The following SCFD2 variants were observed in gnomAD, a reference collection of about 807,000 sequenced individuals.
The protein encoded by SCFD2 is sec1 family domain-containing protein 2.
A neutral mutation model predicts 58.9 loss-of-function variants in SCFD2; 54 were observed. The observed-to-expected ratio is 0.92, with a 90% CI of 0.74 to 1.15. The LOEUF (loss-of-function observed/expected upper bound fraction) is 1.15. SCFD2 is among the 50% of genes most tolerant of loss of function. SCFD2 has a pLI of 0.00. For missense variants in SCFD2, 805 were observed against 836.6 expected, an observed-to-expected ratio of 0.96 and a Z score of 0.47; for synonymous variants, 321 against 335.9, an observed-to-expected ratio of 0.96 and a Z score of 0.49.
intron 5 of SCFD2, among the ~76,000 whole-genome samples, chr4:53,085,868 G>A (rs529182746): frequency 3.9e-5 from 6 of 152,054 alleles, no homozygotes; most frequent in South Asian, 2.1e-4. Context: ...CCCATCTCTC[G>A]TCATATGCAA....
chr4:53,147,831 T>C (rs1292978958), intron 4 of SCFD2, among the ~76,000 whole-genome samples: 4 of 152,264 alleles, frequency 2.6e-5, no homozygotes, highest in African/African-American at 9.6e-5. Flanking sequence ...AGTTTATGAA[T>C]TCCTGTTGGG....
intron 3 of SCFD2, among the ~76,000 whole-genome samples, chr4:53,297,880 T>C (rs1056082721): frequency 4.6e-5 from 7 of 152,210 alleles, no homozygotes; most frequent in Non-Finnish European, 1.0e-4. Flanking sequence ...CATTTGTTTG[T>C]CTGTAAAGAA....
intron 2 of SCFD2, among the ~76,000 whole-genome samples, chr4:53,344,453 C>T (rs868550123): frequency 2.0e-5 from 3 of 152,062 alleles, no homozygotes; most frequent in South Asian, 2.1e-4. Context: ...TAAAAGAGGA[C>T]ACAAACAAAT....
At chr4:53,012,968 G>C (rs1338998070) in intron 5 of SCFD2, among the ~76,000 whole-genome samples, 1 of 151,996 alleles carries the variant, frequency 6.6e-6, no homozygotes, top group African/African-American at 2.4e-5. Context: ...GACAGGAAGG[G>C]GCCCTAGCTA....
At chr4:53,211,254 AAAT>A (rs1380456239) in intron 4 of SCFD2, among the ~76,000 whole-genome samples, 4 of 151,630 alleles carry the variant, frequency 2.6e-5, no homozygotes, top group Non-Finnish European at 5.9e-5. Context: ...AAAAAAAAAA[AAAT>A]CCAAGAGAAC....
intron 5 of SCFD2, among the ~76,000 whole-genome samples, chr4:53,088,873 A>T (rs1179360979): frequency 6.6e-6 from 1 of 152,140 alleles, no homozygotes; most frequent in African/African-American, 2.4e-5. Context: ...CCCAAAATTC[A>T]TATGTTGAAA....
In SCFD2 at chr4:52,922,990, GAATGAATCTAACATAC is replaced by G. The variant is rs544131063; in HGVS notation, c.1562-2136_1562-2121del. ...ATTCAAACAAGCTTAAACTAAAATG[GAATGAATCTAACATAC>G]CCAGAAGCATCCAAAAGAATCCAGC... On this transcript the variant is annotated intron_variant, in intron 5 of 8. Transcript: ENST00000401642. Among the ~76,000 whole-genome samples the G allele has an allele frequency of 3.0e-3, 464 of 152,282 alleles. 5 individuals are homozygous for G. The highest frequency in any genetic ancestry group is 0.011 in the African/African-American group (440 of 41,542).
At chr4:52,891,408 G>A (rs971386605) in intron 7 of SCFD2, among the ~76,000 whole-genome samples, 1 of 152,156 alleles carries the variant, frequency 6.6e-6, no homozygotes, top group Non-Finnish European at 1.5e-5. Context: ...GTGGGGGAGG[G>A]TAAGTGACAA....
At chr4:52,897,168 C>T (rs959786180) in intron 7 of SCFD2, among the ~76,000 whole-genome samples, 1 of 152,184 alleles carries the variant, frequency 6.6e-6, no homozygotes, top group Non-Finnish European at 1.5e-5. Flanking sequence ...TGCCTGATTG[C>T]CCTGGCCAGA....
intron 5 of SCFD2, among the ~76,000 whole-genome samples, chr4:53,131,371 A>T (rs1044460792): frequency 5.3e-5 from 8 of 152,328 alleles, no homozygotes; most frequent in African/African-American, 1.9e-4. Flanking sequence ...GCATCTTTAG[A>T]GAGATCTGAA....
intron 7 of SCFD2, among the ~76,000 whole-genome samples, chr4:52,891,131 A>G (rs990729861): frequency 2.0e-5 from 3 of 152,170 alleles, no homozygotes; most frequent in African/African-American, 7.2e-5. Context: ...TCTCCCACCA[A>G]GAATTAGTAA....
intron 5 of SCFD2, among the ~76,000 whole-genome samples, chr4:52,939,793 T>C (rs1410876980): frequency 4.0e-5 from 6 of 150,994 alleles, no homozygotes; most frequent in Non-Finnish European, 8.9e-5. Context: ...AATGGCCAAA[T>C]AAAGAAGCAC....
At chr4:53,214,166 T>C (rs891109464) in intron 4 of SCFD2, among the ~76,000 whole-genome samples, 4 of 152,152 alleles carry the variant, frequency 2.6e-5, no homozygotes, top group South Asian at 2.1e-4. Context: ...TTTGGGTATA[T>C]ACCCAGTAAT....
chr4:52,914,825 T>A (rs1006526346), intron 6 of SCFD2, among the ~76,000 whole-genome samples: 1 of 152,120 alleles, frequency 6.6e-6, no homozygotes, highest in African/African-American at 2.4e-5. Flanking sequence ...AAGGGGCCCA[T>A]GAAGGTCATA....
At chr4:53,099,414 G>C (rs187123978) in intron 5 of SCFD2, among the ~76,000 whole-genome samples, 190 of 152,250 alleles carry the variant, frequency 1.2e-3, no homozygotes, top group Non-Finnish European at 2.1e-3. Context: ...AATCTTTTGA[G>C]GGCATCTTAG....
At chr4:52,904,673 G>A (rs1479623228) in intron 7 of SCFD2, among the ~76,000 whole-genome samples, 1 of 152,162 alleles carries the variant, frequency 6.6e-6, no homozygotes, top group African/African-American at 2.4e-5. Flanking sequence ...GAGCATTTGT[G>A]CTAATGAGTA....
chr4:52,985,227 G>A (rs1017266269), intron 5 of SCFD2, among the ~76,000 whole-genome samples: 1 of 152,124 alleles, frequency 6.6e-6, no homozygotes, highest in African/African-American at 2.4e-5. Context: ...TCCCTCCCAG[G>A]TATGAAGAGT....
intron 4 of SCFD2, among the ~76,000 whole-genome samples, chr4:53,215,725 G>C (rs902111639): frequency 2.0e-5 from 3 of 152,094 alleles, no homozygotes; most frequent in Non-Finnish European, 4.4e-5. Flanking sequence ...TCTTGTGCCA[G>C]TTTTCAAAGG....
intron 4 of SCFD2, among the ~76,000 whole-genome samples, chr4:53,225,857 C>T (rs1729195691): frequency 4.6e-5 from 7 of 152,110 alleles, no homozygotes; most frequent in Admixed American, 4.6e-4. Context: ...GTGGCTTTCC[C>T]CCTTTGTGAT....
Sources: allele counts gnomAD v4.1 joint callset (sites outside exome capture counted in the v4.1 genomes callset), GRCh38; gene constraint gnomAD v4.1.1; transcripts MANE v1.5; gene names NCBI Gene and HGNC (gene_info 2026-07-23, HGNC 2026-07-21).